TMCO1: variants seen among roughly 807,000 people sequenced by gnomAD.
TMCO1 encodes the protein transmembrane and coiled-coil domains 1, also known as calcium load-activated calcium channel.
TMCO1 carries 29 observed loss-of-function variants against 29.3 expected under a neutral mutation model. That is an observed-to-expected ratio of 0.99 (90% CI 0.74 to 1.35). The LOEUF is 1.35. TMCO1 is among the 40% of genes most tolerant of loss of function. The pLI is 0.00. For missense variants in TMCO1, 173 were observed against 225.5 expected, an observed-to-expected ratio of 0.77 and a Z score of 1.49; for synonymous variants, 80 against 77.1, an observed-to-expected ratio of 1.04 and a Z score of -0.20.
intron 5 of TMCO1, among the ~76,000 whole-genome samples, chr1:165,744,473 G>C (rs1651713827): frequency 6.6e-6 from 1 of 152,178 alleles, no homozygotes; most frequent in Non-Finnish European, 1.5e-5. Context: ...TATTAGGAGA[G>C]AAGTTATGTG....
intron 6 of TMCO1, among the ~76,000 whole-genome samples, chr1:165,737,086 T>C (rs1013008549): frequency 6.6e-6 from 1 of 152,184 alleles, no homozygotes; most frequent in Non-Finnish European, 1.5e-5. Context: ...TGAACAGGCA[T>C]GAGCCACCAC....
chr1:165,743,331 A>G lies in TMCO1; in HGVS notation c.324-20T>C. 1.2e-6 allele frequency: 2 copies of G among 1,609,320 alleles called. No individual in the cohort carries two copies. The highest frequency in any genetic ancestry group is 1.7e-6 in the Non-Finnish European group (2 of 1,178,488). ...TCAAATCTAAAAGAAAAAAAAAAAA[A>G]AAGAATTGTTATCTTTGGAAGACTG... is the stretch of plus-strand genomic sequence containing the variant. On this transcript the variant is annotated intron_variant, in intron 5 of 6. Transcript: ENST00000367881.
In TMCO1 at chr1:165,762,535, A is replaced by G. The variant is rs1053986257; in HGVS notation, c.149-2951T>C. Among the ~76,000 whole-genome samples the G allele has an allele frequency of 3.3e-5, 5 of 152,162 alleles. 1 individual carries two copies. The highest frequency in any genetic ancestry group is 1.2e-4 in the African/African-American group (5 of 41,448). On this transcript the variant is annotated intron_variant, in intron 2 of 6. Transcript: ENST00000367881. ...GATTGAGACTAGATAAATTGTTTTT[A>G]GGGATAAATTAATCTAATGTTTTTC...
At chr1:165,745,179 T>C (rs10918274) in intron 5 of TMCO1, among the ~76,000 whole-genome samples, 134,267 of 150,218 alleles carry the variant, frequency 0.89, 60,122 homozygotes, top group East Asian at 0.99. Flanking sequence ...TAGCACCATG[T>C]CTGGCTAATT....
chr1:165,737,365 T>C (rs1270547224), intron 6 of TMCO1, among the ~76,000 whole-genome samples: 1 of 151,850 alleles, frequency 6.6e-6, no homozygotes, highest in Admixed American at 6.6e-5. Flanking sequence ...AAATTCAACA[T>C]AGCTTCAGTG....
At chr1:165,742,518 C>T (rs1276686455) in intron 6 of TMCO1, among the ~76,000 whole-genome samples, 1 of 152,192 alleles carries the variant, frequency 6.6e-6, no homozygotes, top group Non-Finnish European at 1.5e-5. Context: ...ACGCCTCAGC[C>T]TACCAAATTG....
intron 5 of TMCO1, among the ~76,000 whole-genome samples, chr1:165,750,045 GATAAGT>G (rs1442447129): frequency 2.6e-5 from 4 of 152,096 alleles, no homozygotes; most frequent in Admixed American, 2.0e-4. Flanking sequence ...TTCCAGTGAT[GATAAGT>G]ATAAGGAGAA....
intron 6 of TMCO1, among the ~76,000 whole-genome samples, chr1:165,734,464 ACT>A (rs150247118): frequency 0.07 from 10,645 of 151,736 alleles, 556 homozygotes; most frequent in East Asian, 0.21. Context: ...GCCTTTAATA[ACT>A]CTTTTATTTT....
chr1:165,743,188 G>A lies in TMCO1; in HGVS notation c.447C>T (p.Leu149=), dbSNP rs766063497. ...TCACCTGTCGAATCGACATAGTACA[G>A]AGAATATACAGGAAAATGAAGGAAC... ...TDCSFIFLYI[L]CTMSIRQNIQ... The change falls in exon 6 of 7, where the codon CTC becomes CTT. Residue 149 remains leucine, a synonymous_variant. Transcript: ENST00000367881. 1.2e-6 allele frequency: 2 copies of A among 1,613,794 alleles called. No homozygotes were observed.
chr1:165,754,200 A>C (rs566337852), intron 4 of TMCO1, 28 bp downstream of exon 4: 10 of 1,586,418 alleles, frequency 6.3e-6, no homozygotes, highest in African/African-American at 1.3e-5. Flanking sequence ...TATGTGGTTA[A>C]CCATGAAGTT....
chr1:165,730,747 C>T (rs917254379), intron 6 of TMCO1, among the ~76,000 whole-genome samples: 5 of 151,878 alleles, frequency 3.3e-5, no homozygotes, highest in African/African-American at 1.2e-4. Flanking sequence ...AGGCATGCCA[C>T]CATGCCCAGC....
At chr1:165,765,600 T>C (rs1401921207) in intron 2 of TMCO1, among the ~76,000 whole-genome samples, 1 of 151,854 alleles carries the variant, frequency 6.6e-6, no homozygotes, top group African/African-American at 2.4e-5. Context: ...TTAAATAGAG[T>C]GGTCAACTTA....
chr1:165,757,695 G>A (rs1283855497), intron 3 of TMCO1, among the ~76,000 whole-genome samples: 8 of 152,124 alleles, frequency 5.3e-5, no homozygotes, highest in East Asian at 3.9e-4. Context: ...ACGGGGTTTC[G>A]CCATGTTGGT....
chr1:165,726,536 A>G (rs527923057), downstream of TMCO1: 1 of 480,042 alleles, frequency 2.1e-6, no homozygotes, highest in African/African-American at 1.9e-5. Flanking sequence ...TAGCTCTGTG[A>G]TGCAGAGCAA....
At chr1:165,735,726 G>A (rs755136827) in intron 6 of TMCO1, among the ~76,000 whole-genome samples, 1 of 152,060 alleles carries the variant, frequency 6.6e-6, no homozygotes, top group Admixed American at 6.6e-5. Flanking sequence ...TGTTGGCAAG[G>A]TTGGTCTGGA....
chr1:165,736,794 A>G (rs1225730346), intron 6 of TMCO1, among the ~76,000 whole-genome samples: 1 of 152,112 alleles, frequency 6.6e-6, no homozygotes, highest in Non-Finnish European at 1.5e-5. Flanking sequence ...TGGAATTAGC[A>G]CACAAGGTTT....
At position 165,768,285 on chromosome 1, in the gene TMCO1, C is replaced by T; in HGVS notation, c.71-16G>A. On this transcript the variant is annotated splice_polypyrimidine_tract_variant and intron_variant, in intron 1 of 6. Coordinates refer to ENST00000367881, the MANE Select transcript of TMCO1 (RefSeq NM_019026.6). ...CAGGTTATGCCTAAAACATTAAAAG[C>T]AACATGTTAATAGAGAAATGACTGG... is the stretch of plus-strand genomic sequence containing the variant. The T allele has an allele frequency of 1.2e-6, 2 of 1,607,872 alleles. No individual in the cohort carries two copies. Among genetic ancestry groups the T allele is most frequent in the Non-Finnish European group, 1.7e-6 (2 of 1,174,580 alleles).
At chr1:165,743,742 C>A (rs1651687886) in intron 5 of TMCO1, among the ~76,000 whole-genome samples, 1 of 151,994 alleles carries the variant, frequency 6.6e-6, no homozygotes. Context: ...CAACCTTCGC[C>A]TCCCGGGTTC....
intron 2 of TMCO1, among the ~76,000 whole-genome samples, chr1:165,766,985 A>G (rs1298998191): frequency 1.3e-5 from 2 of 152,174 alleles, no homozygotes; most frequent in African/African-American, 2.4e-5. Flanking sequence ...ATGCTGAGGT[A>G]CATAATCAAC....
Sources: allele counts gnomAD v4.1 joint callset (sites outside exome capture counted in the v4.1 genomes callset), GRCh38; gene constraint gnomAD v4.1.1; transcripts MANE v1.5; gene names NCBI Gene and HGNC (gene_info 2026-07-23, HGNC 2026-07-21).